SUMF1: variants seen among roughly 807,000 people sequenced by gnomAD.
SUMF1 encodes the protein sulfatase modifying factor 1.
SUMF1 carries 48 observed loss-of-function variants against 47.6 expected under a neutral mutation model. The observed-to-expected ratio is 1.01, with a 90% CI of 0.80 to 1.28. The LOEUF is 1.28. SUMF1 is among the 50% of genes most tolerant of loss of function. The probability of loss-of-function intolerance (pLI) is 0.00; values close to 1 mark genes in which losing one functional copy is unlikely to be tolerated. For missense variants in SUMF1, 571 were observed against 485.4 expected (o/e 1.18, Z -1.66); for synonymous variants, 230 against 192.1 (o/e 1.20, Z -1.63).
intron 8 of SUMF1, among the ~76,000 whole-genome samples, chr3:4,256,953 A>C (rs1696969484): frequency 7.8e-6 from 1 of 127,808 alleles, no homozygotes; most frequent in East Asian, 2.2e-4. Context: ...AGGCTGGTTC[A>C]ATATACACAA....
At chr3:4,174,559 G>T (rs1464343089) in intron 8 of SUMF1, among the ~76,000 whole-genome samples, 1 of 18,810 alleles carries the variant, frequency 5.3e-5, no homozygotes, top group African/African-American at 1.5e-4. Context: ...ACACACACAT[G>T]GGGGGCGTTC....
chr3:4,189,259 T>G (rs1378035635), intron 8 of SUMF1, among the ~76,000 whole-genome samples: 2 of 152,148 alleles, frequency 1.3e-5, no homozygotes, highest in Non-Finnish European at 2.9e-5. Flanking sequence ...GGACCCTGAA[T>G]ACTCCATACC....
At chr3:4,357,667 G>T (rs1299516828), downstream of SUMF1, among the ~76,000 whole-genome samples, 13 of 151,700 alleles carry the variant, frequency 8.6e-5, no homozygotes, top group African/African-American at 2.9e-4. Context: ...GGAGTGCAAT[G>T]GCGCGATCTC....
chr3:4,390,443 C>T (rs911052749), intron 7 of SUMF1, among the ~76,000 whole-genome samples: 10 of 152,188 alleles, frequency 6.6e-5, no homozygotes, highest in African/African-American at 2.4e-4. Flanking sequence ...TGTCTAAAAG[C>T]TTTCTGTATT....
chr3:4,193,450 G>C (rs1695363743), intron 8 of SUMF1, among the ~76,000 whole-genome samples: 1 of 152,070 alleles, frequency 6.6e-6, no homozygotes, highest in Non-Finnish European at 1.5e-5. Flanking sequence ...AAGTGCAGGT[G>C]GACTGGGGAC....
chr3:4,203,803 T>C (rs1695592079), intron 8 of SUMF1, among the ~76,000 whole-genome samples: 1 of 151,938 alleles, frequency 6.6e-6, no homozygotes, highest in African/African-American at 2.4e-5. Flanking sequence ...AAATAACATC[T>C]TGTAACTCAT....
intron 8 of SUMF1, among the ~76,000 whole-genome samples, chr3:4,243,488 C>T (rs1575012499): frequency 6.6e-6 from 1 of 152,164 alleles, no homozygotes; most frequent in East Asian, 1.9e-4. Context: ...TTTCAAAGAA[C>T]ATCTTTATTT....
At chr3:4,197,385 G>T (rs951289706) in intron 8 of SUMF1, among the ~76,000 whole-genome samples, 1 of 152,134 alleles carries the variant, frequency 6.6e-6, no homozygotes, top group African/African-American at 2.4e-5. Context: ...ACAGGTGTGA[G>T]CCAGTGCACC....
At chr3:4,089,120 A>G (rs997349063) in intron 8 of SUMF1, among the ~76,000 whole-genome samples, 4 of 152,132 alleles carry the variant, frequency 2.6e-5, no homozygotes, top group African/African-American at 7.2e-5. Flanking sequence ...AGTGCAGATT[A>G]TGTATAATTA....
intron 8 of SUMF1, among the ~76,000 whole-genome samples, chr3:4,197,250 G>A (rs943798530): frequency 5.3e-5 from 8 of 151,976 alleles, no homozygotes; most frequent in African/African-American, 1.9e-4. Context: ...GAATATTGGG[G>A]ACTACAAATG....
At chr3:4,228,162 T>C (rs570296872) in intron 8 of SUMF1, among the ~76,000 whole-genome samples, 1 of 152,082 alleles carries the variant, frequency 6.6e-6, no homozygotes, top group South Asian at 2.1e-4. Flanking sequence ...ACTTTGTAAG[T>C]CATTTTCAAT....
At chr3:4,209,038 G>C (rs553649237) in intron 8 of SUMF1, among the ~76,000 whole-genome samples, 2 of 152,148 alleles carry the variant, frequency 1.3e-5, no homozygotes, top group African/African-American at 4.8e-5. Flanking sequence ...TCTGTTTTCT[G>C]AAAAAGTTTG....
At chr3:4,341,347 G>A (rs1699268613) in intron 8 of SUMF1, among the ~76,000 whole-genome samples, 1 of 152,142 alleles carries the variant, frequency 6.6e-6, no homozygotes, top group Non-Finnish European at 1.5e-5. Flanking sequence ...GTGGCTCTTA[G>A]AAAATAATGA....
At chr3:4,053,527 G>T (rs1424220607) in intron 9 of SUMF1, among the ~76,000 whole-genome samples, 1 of 152,024 alleles carries the variant, frequency 6.6e-6, no homozygotes, top group African/African-American at 2.4e-5. Context: ...AAACAATAAA[G>T]CACAATTTTT....
Position 4,410,866 on chromosome 3 carries a change from G to A in SUMF1, c.953C>T (p.Pro318Leu). Residue 318 changes from proline to leucine, a missense_variant and splice_region_variant, in exon 7 of 9, where the codon CCA becomes CTA. Physicochemically the swap from Pro to Leu is moderately conservative, Grantham distance 98. Coordinates refer to ENST00000272902, the MANE Select transcript of SUMF1 (RefSeq NM_182760.4). ...VHHSVEETLNPKGPPSGKDRV... is the reference protein window; with the variant it reads ...VHHSVEETLNLKGPPSGKDRV... ...ACATGCTCTGTGAATAATACTCACT[G>A]GGTTAAGCGTTTCTTCAACAGAATG... The A allele has an allele frequency of 2.5e-6, 4 of 1,613,274 alleles. No individual in the cohort carries two copies. Among genetic ancestry groups the A allele is most frequent in the Non-Finnish European group, 3.4e-6 (4 of 1,179,272 alleles).
intron 7 of SUMF1, among the ~76,000 whole-genome samples, chr3:4,399,551 A>T (rs1411325422): frequency 1.3e-5 from 2 of 152,180 alleles, no homozygotes; most frequent in African/African-American, 4.8e-5. Flanking sequence ...GCCCTATCTG[A>T]AAATATTAAG....
At chr3:4,060,689 C>A (rs1559435190) in intron 9 of SUMF1, among the ~76,000 whole-genome samples, 1 of 152,068 alleles carries the variant, frequency 6.6e-6, no homozygotes, top group African/African-American at 2.4e-5. Flanking sequence ...AATGAGTTTG[C>A]ACCAACTTTC....
intron 8 of SUMF1, among the ~76,000 whole-genome samples, chr3:4,205,413 C>T (rs2629254): frequency 0.66 from 100,727 of 151,992 alleles, 33,485 homozygotes; most frequent in South Asian, 0.73. Flanking sequence ...CAAAGCTTGT[C>T]TGGTGGTCTC....
intron 7 of SUMF1, among the ~76,000 whole-genome samples, chr3:4,379,449 G>A (rs1043238612): frequency 8.5e-5 from 13 of 152,230 alleles, no homozygotes; most frequent in Non-Finnish European, 1.8e-4. Context: ...AGGATTCCTG[G>A]AAGTCACCAG....
Sources: gnomAD v4.1 joint callset for allele counts (sites outside exome capture counted in the v4.1 genomes callset) on GRCh38, gnomAD v4.1.1 for gene constraint, MANE v1.5 for transcripts, NCBI Gene and HGNC (gene_info 2026-07-23, HGNC 2026-07-21) for gene names.